Variants in PRKCE observed in about 807,000 individuals in gnomAD.
PRKCE encodes protein kinase C epsilon type.
In PRKCE, 16 loss-of-function variants were observed where a neutral mutation model predicts 85.4. That is an observed-to-expected ratio of 0.19 (90% CI 0.13 to 0.28). The LOEUF (loss-of-function observed/expected upper bound fraction) is 0.28. Ranked by LOEUF, PRKCE falls within the 10% of genes least tolerant of loss-of-function variation. PRKCE has a pLI of 1.00. For synonymous variants in PRKCE, 388 were observed against 371.5 expected, an observed-to-expected ratio of 1.04 and a Z score of -0.51; for missense variants, 573 against 975.2, an observed-to-expected ratio of 0.59 and a Z score of 5.49.
At chr2:46,029,828 T>C (rs1169207335) in intron 10 of PRKCE, among the ~76,000 whole-genome samples, 1 of 151,894 alleles carries the variant, frequency 6.6e-6, no homozygotes, top group Non-Finnish European at 1.5e-5. Flanking sequence ...TTTTTTGAAA[T>C]GTAAGTGGAG....
At chr2:46,177,897 C>G (rs993991835) in intron 14 of PRKCE, among the ~76,000 whole-genome samples, 1 of 152,198 alleles carries the variant, frequency 6.6e-6, no homozygotes, top group Non-Finnish European at 1.5e-5. Flanking sequence ...CACCACTGCA[C>G]TTGGCACTGT....
intron 1 of PRKCE, among the ~76,000 whole-genome samples, chr2:45,707,923 C>T (rs961919042): frequency 1.3e-5 from 2 of 152,222 alleles, no homozygotes; most frequent in Non-Finnish European, 2.9e-5. Flanking sequence ...AGGCCCCAGC[C>T]TTCCTGCAGC....
intron 1 of PRKCE, among the ~76,000 whole-genome samples, chr2:45,716,991 A>G (rs771261686): frequency 5.3e-5 from 8 of 152,184 alleles, no homozygotes; most frequent in South Asian, 2.1e-4. Context: ...CCATGATTCA[A>G]TTACCTCCTA....
In PRKCE at chr2:46,095,246, C is replaced by T. The variant is rs72808734; in HGVS notation, c.1592+8884C>T. Among the ~76,000 whole-genome samples the T allele has an allele frequency of 7.3e-3, 1,106 of 152,292 alleles. 8 individuals carry two copies. The highest frequency in any genetic ancestry group is 0.031 in the Middle Eastern group (9 of 294). On this transcript the variant is annotated intron_variant, in intron 11 of 14. Transcript: ENST00000306156. Reference sequence around the variant, plus strand: ...CTAGGCCTTTCCTCTTGGAGTGCTTCGATTACTCCCAGAGTCCTGCCTAAA... The same window carrying T: ...CTAGGCCTTTCCTCTTGGAGTGCTTTGATTACTCCCAGAGTCCTGCCTAAA...
chr2:45,981,363 G>T (rs1309776217), intron 5 of PRKCE, among the ~76,000 whole-genome samples: 2 of 152,118 alleles, frequency 1.3e-5, no homozygotes, highest in African/African-American at 4.8e-5. Flanking sequence ...ATAATCAGCT[G>T]GTCTACAATT....
At chr2:45,696,783 G>A (rs980531401) in intron 1 of PRKCE, among the ~76,000 whole-genome samples, 6 of 152,168 alleles carry the variant, frequency 3.9e-5, no homozygotes, top group Non-Finnish European at 7.3e-5. Context: ...CCACCATGCG[G>A]CCTCTCATCC....
intron 11 of PRKCE, among the ~76,000 whole-genome samples, chr2:46,103,840 T>C (rs989635520): frequency 6.6e-6 from 1 of 152,098 alleles, no homozygotes; most frequent in Non-Finnish European, 1.5e-5. Context: ...ATCTCCACAT[T>C]TGAGTAGGCT....
chr2:45,942,210 G>A (rs1699934097), intron 2 of PRKCE, among the ~76,000 whole-genome samples: 1 of 152,214 alleles, frequency 6.6e-6, no homozygotes, highest in Admixed American at 6.5e-5. Context: ...CCTGTTACAT[G>A]TTGACAGGCT....
At chr2:46,168,453 T>C (rs1025704083) in intron 14 of PRKCE, among the ~76,000 whole-genome samples, 15 of 152,270 alleles carry the variant, frequency 9.9e-5, no homozygotes, top group South Asian at 4.2e-4. Flanking sequence ...AAGAAAGAAC[T>C]ATCTGCGAAA....
At chr2:45,832,962 C>A (rs1249287434) in intron 1 of PRKCE, among the ~76,000 whole-genome samples, 2 of 152,000 alleles carry the variant, frequency 1.3e-5, no homozygotes, top group Non-Finnish European at 2.9e-5. Flanking sequence ...CATAGTCTCT[C>A]TTTTGAAGAA....
intron 2 of PRKCE, among the ~76,000 whole-genome samples, chr2:45,976,184 T>C (rs1702440457): frequency 6.6e-6 from 1 of 152,082 alleles, no homozygotes. Flanking sequence ...AGAATTTGGA[T>C]TGGATGGAAT....
rs2103791364 is a variant in PRKCE, at chr2:45,907,639, C to T, written c.412+64576C>T. 6.6e-6 allele frequency among the ~76,000 whole-genome samples: 1 copy of T among 152,320 alleles called. No homozygotes were observed. Among genetic ancestry groups the T allele is most frequent in the South Asian group, 2.1e-4 (1 of 4,828 alleles). ...ATCATCGTGGTCCGCATTCTATGGA[C>T]TGTTCTGTCCAGGGAGAAGGAGCAT... is the stretch of plus-strand genomic sequence containing the variant. On this transcript the variant is annotated intron_variant, in intron 2 of 14. Coordinates refer to ENST00000306156, the MANE Select transcript of PRKCE (RefSeq NM_005400.3). This position sits in a 1 kb window ranked among gnomAD's most constrained non-coding sequence, Gnocchi z 4.5.
intron 13 of PRKCE, among the ~76,000 whole-genome samples, chr2:46,156,836 T>C (rs1165004231): frequency 6.6e-6 from 1 of 152,186 alleles, no homozygotes; most frequent in Admixed American, 6.5e-5. Flanking sequence ...CAGTGAAAGG[T>C]CTCTGTCTCA....
rs191105696 is a variant in PRKCE, at chr2:45,853,631, G to A, written c.412+10568G>A. On this transcript the variant is annotated intron_variant, in intron 2 of 14. Transcript: ENST00000306156. ...GGATTAGGTGCTGCGTACACAGTAG[G>A]GGCATAATTTTTACTTGCTGGATAA... is the stretch of plus-strand genomic sequence containing the variant. Among the ~76,000 whole-genome samples the A allele has an allele frequency of 6.2e-3, 947 of 152,252 alleles. 8 individuals are homozygous for A. The highest frequency in any genetic ancestry group is 0.017 in the African/African-American group (716 of 41,540).
chr2:45,729,190 C>T (rs1031219424), intron 1 of PRKCE, among the ~76,000 whole-genome samples: 5 of 152,198 alleles, frequency 3.3e-5, no homozygotes, highest in Non-Finnish European at 5.9e-5. Flanking sequence ...GCTGATACCA[C>T]GTCACTTATA....
At chr2:45,809,903 C>G (rs1176549245) in intron 1 of PRKCE, among the ~76,000 whole-genome samples, 1 of 151,408 alleles carries the variant, frequency 6.6e-6, no homozygotes, top group Non-Finnish European at 1.5e-5. Flanking sequence ...AGTCTGGGTA[C>G]AAGCCCAAGG....
chr2:45,686,304 A>G (rs1677293652), intron 1 of PRKCE: 2 of 152,234 alleles, frequency 1.3e-5, no homozygotes, highest in Non-Finnish European at 2.9e-5. Flanking sequence ...TTTGCAGAAT[A>G]CAGAGCTAAC....
At chr2:45,727,050 G>A (rs1028992336) in intron 1 of PRKCE, among the ~76,000 whole-genome samples, 4 of 152,168 alleles carry the variant, frequency 2.6e-5, no homozygotes, top group Non-Finnish European at 5.9e-5. Flanking sequence ...CCTGCCATTT[G>A]CTAAGCAAAT....
At chr2:46,052,241 A>T (rs2105068621) in intron 10 of PRKCE, among the ~76,000 whole-genome samples, 1 of 152,338 alleles carries the variant, frequency 6.6e-6, no homozygotes, top group East Asian at 1.9e-4. Context: ...TATGTAGAAA[A>T]TACTAGTCAA....
Sources: gnomAD v4.1 joint callset for allele counts (sites outside exome capture counted in the v4.1 genomes callset) on GRCh38, gnomAD v4.1.1 for gene constraint, Gnocchi (gnomAD v3.1) non-coding constraint, MANE v1.5 for transcripts, NCBI Gene and HGNC (gene_info 2026-07-23, HGNC 2026-07-21) for gene names.